The following EPHA4 variants were observed in gnomAD, a reference collection of about 807,000 sequenced individuals.
EPHA4 encodes ephrin type-A receptor 4.
A neutral mutation model predicts 108.3 loss-of-function variants in EPHA4; 19 were observed. That is an observed-to-expected ratio of 0.18 (90% CI 0.12 to 0.26). The LOEUF (loss-of-function observed/expected upper bound fraction) is 0.26, where lower values mean the gene tolerates loss of function less well. EPHA4 is among the 10% of genes least tolerant of loss of function. The probability of loss-of-function intolerance (pLI) is 1.00; values close to 1 mark genes in which losing one functional copy is unlikely to be tolerated. For missense variants in EPHA4, 917 were observed against 1,254.0 expected, an observed-to-expected ratio of 0.73 and a Z score of 4.06; for synonymous variants, 449 against 455.5, an observed-to-expected ratio of 0.99 and a Z score of 0.18.
intron 5 of EPHA4, among the ~76,000 whole-genome samples, chr2:221,476,063 T>C (rs1007067358): frequency 3.3e-5 from 5 of 152,018 alleles, no homozygotes; most frequent in Non-Finnish European, 7.4e-5. Flanking sequence ...TACTAAAAAA[T>C]AGAAAACTTA....
intron 4 of EPHA4, among the ~76,000 whole-genome samples, chr2:221,486,688 C>T (rs1032168337): frequency 4.6e-5 from 7 of 150,872 alleles, no homozygotes; most frequent in African/African-American, 7.3e-5. Context: ...GAGCTGAGAT[C>T]GCGCCATTGC....
At position 221,426,224 on chromosome 2, in the gene EPHA4, G is replaced by A. The variant is rs146664948; in HGVS notation, c.2847-82C>T. ...TTTCTTGGGCTTCATGCAGACACAC[G>A]TTTGAATCAGCCACAATTAATACAG... is the stretch of plus-strand genomic sequence containing the variant. On this transcript the variant is annotated intron_variant, in intron 16 of 17. Coordinates refer to ENST00000281821, the MANE Select transcript of EPHA4 (RefSeq NM_004438.5). 5.2e-5 allele frequency: 66 copies of A among 1,279,782 alleles called. No homozygotes were observed. The African/African-American group carries it at 6.2e-4, about 12-fold the overall frequency. 79.3% of individuals were successfully genotyped at this position (1,279,782 alleles called of 1,614,324 possible).
Position 221,421,425 on chromosome 2 carries a change from A to G in EPHA4, c.*820-873T>C, listed in dbSNP as rs549813825. 2.3e-3 allele frequency among the ~76,000 whole-genome samples: 347 copies of G among 152,384 alleles called. 4 individuals are homozygous for G. The highest frequency in any genetic ancestry group is 8.1e-3 in the African/African-American group (338 of 41,594). Reference sequence around the variant, plus strand: ...TCTAATCTAACATGGCGAAAGAGCCATACTCTCTACATGTAAACAGGCAGG... The same window carrying G: ...TCTAATCTAACATGGCGAAAGAGCCGTACTCTCTACATGTAAACAGGCAGG... On this transcript the variant is annotated intron_variant, in intron 17 of 17. Coordinates refer to ENST00000281821, the MANE Select transcript of EPHA4 (RefSeq NM_004438.5).
intron 15 of EPHA4, among the ~76,000 whole-genome samples, chr2:221,429,486 A>C (rs748971997): frequency 6.6e-6 from 1 of 152,198 alleles, no homozygotes; most frequent in African/African-American, 2.4e-5. Context: ...AAACCAGAAG[A>C]ACTGAAACCT....
intron 3 of EPHA4, among the ~76,000 whole-genome samples, chr2:221,549,846 C>A (rs1466546354): frequency 2.0e-5 from 3 of 152,102 alleles, no homozygotes; most frequent in African/African-American, 4.8e-5. Context: ...AAAAAATTAG[C>A]CAGTCATGGT....
chr2:221,480,804 T>G (rs1691795703), intron 5 of EPHA4, among the ~76,000 whole-genome samples: 1 of 152,204 alleles, frequency 6.6e-6, no homozygotes, highest in Non-Finnish European at 1.5e-5. Context: ...AAGTCTTAAC[T>G]TTTTATTTAT....
intron 3 of EPHA4, among the ~76,000 whole-genome samples, chr2:221,558,844 G>C (rs919333001): frequency 6.6e-6 from 1 of 152,092 alleles, no homozygotes; most frequent in Non-Finnish European, 1.5e-5. Flanking sequence ...TCACAGCCAT[G>C]CTTCAAAGCC....
rs182766000 is a variant in EPHA4 at position 221,521,543 on chromosome 2, A to G, written c.824-20371T>C. ...TCTGGAGGTCAGCACTACTAGAGGC[A>G]GAGATTTGGAAAATATCTGCCAAAA... On this transcript the variant is annotated intron_variant, in intron 3 of 17. Coordinates refer to ENST00000281821, the MANE Select transcript of EPHA4 (RefSeq NM_004438.5). Among the ~76,000 whole-genome samples, 4 of 152,336 alleles carry G rather than the reference A, an allele frequency of 2.6e-5. No individual in the cohort carries two copies. In the East Asian group the frequency reaches 7.7e-4, roughly 29 times the overall value.
chr2:221,492,731 T>C (rs1339915380), intron 4 of EPHA4, among the ~76,000 whole-genome samples: 1 of 152,228 alleles, frequency 6.6e-6, no homozygotes, highest in African/African-American at 2.4e-5. Context: ...CTTTGGTTGC[T>C]TTGATCAGTT....
At position 221,572,144 on chromosome 2, in the gene EPHA4, C is replaced by A; in HGVS notation, c.91+14G>T. Reference sequence around the variant, plus strand: ...TCGCTGTCCCCGACCACAGAAAGGCCGTCCCGCTCTTACCTTCATTCGCGG... The same window carrying A: ...TCGCTGTCCCCGACCACAGAAAGGCAGTCCCGCTCTTACCTTCATTCGCGG... On this transcript the variant is annotated intron_variant, in intron 1 of 17. Transcript: ENST00000281821. 6.2e-7 allele frequency: 1 copy of A among 1,610,942 alleles called. No individual in the cohort carries two copies. Among genetic ancestry groups the A allele is most frequent in the Non-Finnish European group, 8.5e-7 (1 of 1,177,268 alleles).
chr2:221,526,852 C>CAAAAAAAAAAAAAAAAAAAAAAAA (rs528335766), intron 3 of EPHA4, among the ~76,000 whole-genome samples: 1 of 48,590 alleles, frequency 2.1e-5, no homozygotes, highest in African/African-American at 8.3e-5. Flanking sequence ...GACTCGGCCT[C>CAAAAAAAAAAAAAAAAAAAAAAAA]AAAAAAAAAA....
chr2:221,457,844 G>C, intron 6 of EPHA4, 22 bp downstream of exon 6: 2 of 1,607,626 alleles, frequency 1.2e-6, no homozygotes, highest in Non-Finnish European at 1.7e-6. Flanking sequence ...AAGGAAAGGA[G>C]TGTTGTTCAC....
intron 8 of EPHA4, among the ~76,000 whole-genome samples, chr2:221,450,427 C>T (rs1249287946): frequency 6.6e-6 from 1 of 152,216 alleles, no homozygotes; most frequent in African/African-American, 2.4e-5. Context: ...GATTACAAAT[C>T]TTACCAACAT....
At chr2:221,570,747 AATGGATGG>A (rs1261129821) in intron 1 of EPHA4, among the ~76,000 whole-genome samples, 2 of 151,948 alleles carry the variant, frequency 1.3e-5, no homozygotes. Flanking sequence ...TGGAAAGATG[AATGGATGG>A]ATGGATGGGT....
chr2:221,456,120 T>A (rs1159229580), intron 7 of EPHA4, among the ~76,000 whole-genome samples: 3 of 151,578 alleles, frequency 2.0e-5, no homozygotes, highest in African/African-American at 7.3e-5. Context: ...AGTCAACCAG[T>A]CAATCCAACT....
intron 14 of EPHA4, among the ~76,000 whole-genome samples, chr2:221,431,638 G>C (rs1379570529): frequency 1.3e-5 from 2 of 152,104 alleles, no homozygotes; most frequent in Non-Finnish European, 2.9e-5. Context: ...ATCTTCCCAG[G>C]TGCATCGTGT....
chr2:221,505,227 C>T (rs1261965697), intron 3 of EPHA4, among the ~76,000 whole-genome samples: 1 of 152,128 alleles, frequency 6.6e-6, no homozygotes, highest in African/African-American at 2.4e-5. Flanking sequence ...AAAAGTAAAA[C>T]ATCACTAATA....
chr2:221,430,801 G>T (rs2106093209), intron 14 of EPHA4, among the ~76,000 whole-genome samples: 1 of 152,168 alleles, frequency 6.6e-6, no homozygotes, highest in Non-Finnish European at 1.5e-5. Context: ...TTTTAAAAAA[G>T]TAAAAAACAA....
At chr2:221,428,139 C>A (rs1689967185) in intron 15 of EPHA4, among the ~76,000 whole-genome samples, 1 of 152,058 alleles carries the variant, frequency 6.6e-6, no homozygotes, top group Non-Finnish European at 1.5e-5. Context: ...AGACAAAAGC[C>A]AATAGTTTGC....
Sources: gnomAD v4.1 joint callset for allele counts (sites outside exome capture counted in the v4.1 genomes callset) on GRCh38, gnomAD v4.1.1 for gene constraint, MANE v1.5 for transcripts, NCBI Gene and HGNC (gene_info 2026-07-23, HGNC 2026-07-21) for gene names.